SPATA6L: variants seen among roughly 807,000 people sequenced by gnomAD.
The protein encoded by SPATA6L is spermatogenesis associated 6-like protein.
A neutral mutation model predicts 49.2 loss-of-function variants in SPATA6L; 68 were observed. The ratio of observed to expected loss-of-function variants is 1.38; its 90% CI spans 1.14 to 1.69. The LOEUF is 1.69. Ranked by LOEUF, SPATA6L falls within the 40% of genes most tolerant of loss-of-function variation. SPATA6L has a pLI of 0.00. For missense variants in SPATA6L, 668 were observed against 464.3 expected (o/e 1.44, Z -4.03); for synonymous variants, 198 against 165.7 (o/e 1.19, Z -1.50).
At chr9:4,647,115 T>C (rs1368743947) in intron 3 of SPATA6L, among the ~76,000 whole-genome samples, 1 of 148,394 alleles carries the variant, frequency 6.7e-6, no homozygotes, top group Non-Finnish European at 1.5e-5. Flanking sequence ...AAAAAAAAGA[T>C]GCAATATTTG....
rs572581162 is a variant in SPATA6L, at chr9:4,631,120, A to G, written c.352-1952T>C. Among the ~76,000 whole-genome samples the G allele has an allele frequency of 1.4e-4, 22 of 152,300 alleles. No homozygotes were observed. The South Asian group carries it at 4.4e-3, about 30-fold the overall frequency. On this transcript the variant is annotated intron_variant, in intron 4 of 11. Coordinates refer to ENST00000682582, the MANE Select transcript of SPATA6L (RefSeq NM_001353486.2). ...TATATGACCTCCACTCCTTGCAATG[A>G]CTTACAGACAATAAAGAAGAATGTA...
At chr9:4,639,493 A>G (rs185215219) in intron 3 of SPATA6L, among the ~76,000 whole-genome samples, 100 of 152,370 alleles carry the variant, frequency 6.6e-4, no homozygotes, top group African/African-American at 2.3e-3. Flanking sequence ...ATAGAAGGCT[A>G]TGAAGCTTCT....
intron 4 of SPATA6L, among the ~76,000 whole-genome samples, chr9:4,631,603 C>T (rs1001003335): frequency 6.7e-6 from 1 of 150,174 alleles, no homozygotes; most frequent in Non-Finnish European, 1.5e-5. Flanking sequence ...CAGCAAAATA[C>T]ACAAATACAA....
At position 4,659,759 on chromosome 9, in the gene SPATA6L, C is replaced by T. The variant is rs182248722; in HGVS notation, c.177+2140G>A. 1.2e-4 allele frequency among the ~76,000 whole-genome samples: 19 copies of T among 152,262 alleles called. No individual in the cohort carries two copies. The East Asian group carries it at 2.1e-3, about 17-fold the overall frequency. On this transcript the variant is annotated intron_variant, in intron 2 of 11. Coordinates refer to ENST00000682582, the MANE Select transcript of SPATA6L (RefSeq NM_001353486.2). ...CAAAAGAACAAGGCTGGAAGCATCA[C>T]GCTACCTGACTTCAAACTATACTAC... is the stretch of plus-strand genomic sequence containing the variant.
At position 4,662,361 on chromosome 9, in the gene SPATA6L, G is replaced by T. The variant is rs762874240; in HGVS notation, c.40-325C>A. On this transcript the variant is annotated intron_variant, in intron 1 of 11. Coordinates refer to ENST00000682582, the MANE Select transcript of SPATA6L (RefSeq NM_001353486.2). This position sits in a 1 kb window ranked among gnomAD's most constrained non-coding sequence, Gnocchi z 4.9. ...TTGGTCCGGCCAGGTCCCGGGATCC[G>T]GGCCGCCAGCTGCGATGCCAAGTCC... The T allele has an allele frequency of 4.0e-5, 60 of 1,493,056 alleles. No homozygotes were observed. The highest frequency in any genetic ancestry group is 5.2e-5 in the Non-Finnish European group (59 of 1,129,172). 92.5% of individuals were successfully genotyped at this position (1,493,056 alleles called of 1,614,324 possible).
At chr9:4,640,884 G>C (rs1474275926) in intron 3 of SPATA6L, among the ~76,000 whole-genome samples, 1 of 152,034 alleles carries the variant, frequency 6.6e-6, no homozygotes, top group Admixed American at 6.6e-5. Context: ...TAATTTTTGA[G>C]TTATAACCAG....
Position 4,661,957 on chromosome 9 carries a change from G to A in SPATA6L, c.119C>T (p.Thr40Ile). 1.5e-5 allele frequency: 24 copies of A among 1,614,048 alleles called. No homozygotes were observed. Among genetic ancestry groups the A allele is most frequent in the Non-Finnish European group, 2.0e-5 (24 of 1,179,946 alleles). ...GGGGAACGCAGAGGGAAAGCTGTTG[G>A]TCTCCAGGTACTGATTCATGAGGTA... ...GVYLMNQYLE[T>I]NSFPSAFPIM... Residue 40 changes from threonine to isoleucine, a missense_variant, in exon 2 of 12, where the codon ACC becomes ATC. Transcript: ENST00000682582.
intron 11 of SPATA6L, 80 bp from the exon 12 acceptor site, chr9:4,600,889 T>TA (rs1412004124): frequency 6.6e-6 from 1 of 152,232 alleles, no homozygotes; most frequent in Non-Finnish European, 1.5e-5. Flanking sequence ...GAGAAAAAGA[T>TA]AATGTCATAC....
At chr9:4,594,593 A>C (rs1228779849), downstream of SPATA6L, among the ~76,000 whole-genome samples, 1 of 152,046 alleles carries the variant, frequency 6.6e-6, no homozygotes, top group African/African-American at 2.4e-5. Flanking sequence ...TGACCCCAAG[A>C]GGTTTGAGGT....
intron 3 of SPATA6L, among the ~76,000 whole-genome samples, chr9:4,645,954 T>C (rs925576761): frequency 6.6e-6 from 1 of 152,208 alleles, no homozygotes. Context: ...CCAACTGAAT[T>C]GTACATTTGA....
chr9:4,596,246 C>T (rs10121074), downstream of SPATA6L, among the ~76,000 whole-genome samples: 18,375 of 152,140 alleles, frequency 0.12, 1,678 homozygotes, highest in African/African-American at 0.25. Context: ...ACTGAGCACA[C>T]AGAAGGAGTT....
downstream of SPATA6L, among the ~76,000 whole-genome samples, chr9:4,595,225 G>A (rs1284450657): frequency 6.6e-6 from 1 of 152,102 alleles, no homozygotes; most frequent in Non-Finnish European, 1.5e-5. Flanking sequence ...TTCCTTAAAA[G>A]GGCCAGGTAC....
intron 2 of SPATA6L, among the ~76,000 whole-genome samples, chr9:4,661,254 A>T (rs943280777): frequency 2.6e-5 from 4 of 152,348 alleles, no homozygotes; most frequent in Middle Eastern, 6.8e-3. Context: ...AATTGATTCC[A>T]TCTCCAAATT....
intron 3 of SPATA6L, among the ~76,000 whole-genome samples, chr9:4,636,926 G>GGCTGTAGTTGAA (rs1832925413): frequency 6.6e-6 from 1 of 152,072 alleles, no homozygotes; most frequent in South Asian, 2.1e-4. Context: ...TTACTGCCAT[G>GGCTGTAGTTGAA]GCTGTAGTTG....
intron 9 of SPATA6L, among the ~76,000 whole-genome samples, chr9:4,610,923 T>G (rs934262192): frequency 1.4e-4 from 21 of 149,310 alleles, no homozygotes; most frequent in Non-Finnish European, 4.5e-5. Context: ...ATATCCAGAA[T>G]CTACAATGAA....
At chr9:4,634,603 T>C (rs1039244726) in intron 4 of SPATA6L, among the ~76,000 whole-genome samples, 4 of 152,140 alleles carry the variant, frequency 2.6e-5, no homozygotes, top group African/African-American at 9.7e-5. Flanking sequence ...AAACGCTGAG[T>C]ATCAAAATAT....
At chr9:4,628,037 G>C in intron 5 of SPATA6L, 1 of 350,230 alleles carries the variant, frequency 2.9e-6, no homozygotes, top group Non-Finnish European at 5.5e-6. Context: ...TTATTTGTGG[G>C]AGCTAAAGAT....
chr9:4,645,255 T>A (rs1835107844), intron 3 of SPATA6L, among the ~76,000 whole-genome samples: 1 of 152,174 alleles, frequency 6.6e-6, no homozygotes, highest in Admixed American at 6.5e-5. Flanking sequence ...TATACAACAA[T>A]TTGTACATTA....
chr9:4,589,727 C>G (rs1408787611), intron 13 of SPATA6L, among the ~76,000 whole-genome samples: 2 of 152,174 alleles, frequency 1.3e-5, no homozygotes, highest in African/African-American at 2.4e-5. Flanking sequence ...ATGAAGTTCA[C>G]TTTTGCAGTC....
Sources: allele counts gnomAD v4.1 joint callset (sites outside exome capture counted in the v4.1 genomes callset), GRCh38; gene constraint gnomAD v4.1.1; non-coding constraint Gnocchi (gnomAD v3.1); transcripts MANE v1.5; gene names NCBI Gene and HGNC (gene_info 2026-07-23, HGNC 2026-07-21).